The following GPR107 variants were observed in gnomAD, a reference collection of about 807,000 sequenced individuals.
GPR107 encodes the protein G protein-coupled receptor 107.
GPR107 carries 31 observed loss-of-function variants against 75.5 expected under a neutral mutation model. That is an observed-to-expected ratio of 0.41 (90% CI 0.31 to 0.55). The LOEUF is 0.55. Among genes scored for constraint, GPR107 ranks in the 20% least tolerant of loss-of-function variants. The pLI is 0.26. For missense variants in GPR107, 572 were observed against 665.7 expected (o/e 0.86, Z 1.55); for synonymous variants, 267 against 251.3 (o/e 1.06, Z -0.59).
rs202233077 is a variant in GPR107, at chr9:130,054,061, C to T, written c.129C>T (p.His43=). ...AGCCTGGCCTGGGCCGCGTCCATCACCTGGCACTCAAGGTAAAGCTTGGCA... is the reference window on the plus strand; with the variant it reads ...AGCCTGGCCTGGGCCGCGTCCATCATCTGGCACTCAAGGTAAAGCTTGGCA... The part of the protein sequence containing the change: ...LAEPGLGRVH[H]LALKDDVRHK... The change falls in exon 1 of 18, where the codon CAC becomes CAT. Residue 43 remains histidine (H), a synonymous_variant. Transcript: ENST00000347136. 3.1e-4 allele frequency: 474 copies of T among 1,553,058 alleles called. 1 individual carries two copies. The highest frequency in any genetic ancestry group is 2.1e-3 in the African/African-American group (157 of 73,200).
intron 14 of GPR107, among the ~76,000 whole-genome samples, chr9:130,119,397 AAC>A (rs2132639750): frequency 6.6e-6 from 1 of 152,304 alleles, no homozygotes; most frequent in South Asian, 2.1e-4. Flanking sequence ...ATATGACACT[AAC>A]ACTGTCATGG....
At chr9:130,065,980 C>CG (rs1271165609) in intron 1 of GPR107, among the ~76,000 whole-genome samples, 3 of 151,576 alleles carry the variant, frequency 2.0e-5, no homozygotes, top group South Asian at 2.1e-4. Context: ...TTCACTCCCC[C>CG]CCAAAAGTAT....
chr9:130,133,331 A>C (rs1189174327), intron 17 of GPR107: 6 of 152,256 alleles, frequency 3.9e-5, no homozygotes, highest in Non-Finnish European at 8.8e-5. Flanking sequence ...GGTCACAGTG[A>C]ATGCGCTTTG....
chr9:130,099,478 C>T lies in GPR107; in HGVS notation c.885C>T (p.His295=), dbSNP rs1292965733. 2.5e-6 allele frequency: 4 copies of T among 1,599,484 alleles called. No homozygotes were observed. The highest frequency in any genetic ancestry group is 1.7e-5 in the Admixed American group (1 of 59,976). The change falls in exon 10 of 18, where the codon CAC becomes CAT. Residue 295 remains histidine, a synonymous_variant. Transcript: ENST00000347136. ...ATAGGAATGATGTATTTAAAATCCA[C>T]TGGCTGATGGCGGCCCTTCCTTTCA... ...RKRRNDVFKI[H]WLMAALPFTK...
chr9:130,122,587 T>G (rs1257259925), intron 14 of GPR107, among the ~76,000 whole-genome samples: 4 of 152,236 alleles, frequency 2.6e-5, no homozygotes, highest in East Asian at 1.9e-4. Context: ...ACTCAGTGAG[T>G]GCATAATTTG....
intron 7 of GPR107, among the ~76,000 whole-genome samples, chr9:130,088,214 C>T (rs866302972): frequency 4.6e-5 from 7 of 152,098 alleles, no homozygotes; most frequent in Admixed American, 1.3e-4. Context: ...GATCTCAGCT[C>T]CTGTTGTTCA....
At chr9:130,133,130 T>C (rs1831869415) in intron 17 of GPR107, 1 of 152,162 alleles carries the variant, frequency 6.6e-6, no homozygotes, top group South Asian at 2.1e-4. Context: ...TGGAAGACCA[T>C]CTCTTCTCCT....
intron 2 of GPR107, 90 bp downstream of exon 2, chr9:130,075,839 G>A (rs1204681659): frequency 4.6e-6 from 3 of 649,592 alleles, no homozygotes; most frequent in Middle Eastern, 4.1e-4. Context: ...CTGGAGTGCG[G>A]TGGCGCAATC....
At chr9:130,083,695 T>TAC (rs1304842221) in intron 6 of GPR107, 93 bp downstream of exon 6, 1 of 674,046 alleles carries the variant, frequency 1.5e-6, no homozygotes, top group African/African-American at 1.9e-5. Flanking sequence ...TTGATATATA[T>TAC]ACATACATGC....
At chr9:130,107,285 G>T (rs1831182027) in intron 13 of GPR107, among the ~76,000 whole-genome samples, 1 of 152,112 alleles carries the variant, frequency 6.6e-6, no homozygotes, top group Non-Finnish European at 1.5e-5. Flanking sequence ...TATTGCCACA[G>T]ATTTGGCCAG....
chr9:130,130,363 T>C (rs1386259595), intron 17 of GPR107, among the ~76,000 whole-genome samples: 2 of 152,350 alleles, frequency 1.3e-5, no homozygotes, highest in East Asian at 1.9e-4. Context: ...AAGGAAATGT[T>C]TGGTGTGGGT....
intron 9 of GPR107, among the ~76,000 whole-genome samples, chr9:130,096,555 G>A (rs912509866): frequency 2.9e-5 from 4 of 136,152 alleles, no homozygotes; most frequent in Admixed American, 8.5e-5. Context: ...TGCAACCTCC[G>A]CCTCCCGGGT....
At chr9:130,093,901 C>T (rs1158127417) in intron 9 of GPR107, among the ~76,000 whole-genome samples, 1 of 152,162 alleles carries the variant, frequency 6.6e-6, no homozygotes, top group Non-Finnish European at 1.5e-5. Context: ...CTGCAACCTC[C>T]ACCTCTGGGT....
chr9:130,092,107 T>G, intron 8 of GPR107, 141 bp from the exon 9 acceptor site: 1 of 662,504 alleles, frequency 1.5e-6, no homozygotes, highest in Non-Finnish European at 2.6e-6. Flanking sequence ...CCCAAAGTGC[T>G]GAGATTACAG....
At chr9:130,107,342 C>G (rs954489086) in intron 13 of GPR107, among the ~76,000 whole-genome samples, 154 bp from the exon 14 acceptor site, 7 of 152,308 alleles carry the variant, frequency 4.6e-5, no homozygotes, top group East Asian at 3.9e-4. Flanking sequence ...CCATTTCCCC[C>G]CCTCTACCCG....
At chr9:130,063,230 G>A (rs528468808) in intron 1 of GPR107, among the ~76,000 whole-genome samples, 4 of 150,448 alleles carry the variant, frequency 2.7e-5, no homozygotes, top group South Asian at 2.1e-4. Context: ...TCGCTCTGTC[G>A]CCCAGGCTGG....
At chr9:130,076,299 G>A (rs1384649433) in intron 2 of GPR107, 113 bp from the exon 3 acceptor site, 10 of 622,646 alleles carry the variant, frequency 1.6e-5, no homozygotes, top group East Asian at 2.7e-5. Flanking sequence ...CAAAATGAAT[G>A]CTAAGAAAAC....
rs768848262 is a variant in GPR107, at chr9:130,100,654, A to G, written c.965A>G (p.Gln322Arg). The G allele has an allele frequency of 1.9e-6, 3 of 1,613,284 alleles. No homozygotes were observed. In the Admixed American group the frequency reaches 5.0e-5, roughly 27 times the overall value. The change falls in exon 11 of 18, where the codon CAG becomes CGG. Residue 322 changes from glutamine (Q) to arginine (R), a missense_variant. Gln to Arg is a conservative substitution (Grantham distance 43). Transcript: ENST00000347136. ...HAIDYHYISS[Q>R]GFPIEGWAVV... ...ATTGACTACCACTACATCTCCTCCC[A>G]GGGCTTCCCTATCGAAGGCTGGGCT...
chr9:130,077,705 G>T (rs1349348549), intron 4 of GPR107, among the ~76,000 whole-genome samples: 1 of 152,174 alleles, frequency 6.6e-6, no homozygotes, highest in African/African-American at 2.4e-5. Context: ...TCCAGGCAGA[G>T]GGCATAGTCT....
Sources: gnomAD v4.1 joint callset for allele counts (sites outside exome capture counted in the v4.1 genomes callset) on GRCh38, gnomAD v4.1.1 for gene constraint, MANE v1.5 for transcripts, NCBI Gene and HGNC (gene_info 2026-07-23, HGNC 2026-07-21) for gene names.